PIK3R6: variants seen among roughly 807,000 people sequenced by gnomAD.
PIK3R6 encodes phosphoinositide 3-kinase regulatory subunit 6.
PIK3R6 carries 91 observed loss-of-function variants against 84.9 expected under a neutral mutation model. The ratio of observed to expected loss-of-function variants is 1.07; its 90% CI spans 0.90 to 1.28. PIK3R6 has a LOEUF of 1.28. PIK3R6 is among the 50% of genes most tolerant of loss of function. The pLI, the probability that PIK3R6 is intolerant of heterozygous loss-of-function variation, is 0.00. For synonymous variants in PIK3R6, 416 were observed against 411.4 expected, an observed-to-expected ratio of 1.01 and a Z score of -0.13; for missense variants, 996 against 985.1, an observed-to-expected ratio of 1.01 and a Z score of -0.15.
At chr17:8,838,749 T>G in intron 3 of PIK3R6, 94 bp from the exon 4 acceptor site, 1 of 1,253,472 alleles carries the variant, frequency 8.0e-7, no homozygotes, top group South Asian at 1.3e-5. Flanking sequence ...GAGCCTCAGC[T>G]GCAGCTCTGA....
chr17:8,814,439 C>T (rs1224602316), intron 18 of PIK3R6, among the ~76,000 whole-genome samples: 3 of 151,858 alleles, frequency 2.0e-5, no homozygotes, highest in Admixed American at 6.6e-5. Context: ...AGGCTGGTCT[C>T]GATCTCCTGA....
intron 10 of PIK3R6, among the ~76,000 whole-genome samples, chr17:8,829,253 G>A (rs1321791594): frequency 6.1e-5 from 9 of 147,812 alleles, no homozygotes; most frequent in Admixed American, 5.3e-4. Context: ...ATGCATGCAC[G>A]CATACACACA....
In PIK3R6 at chr17:8,803,497, G is replaced by A. The variant is rs1477425433; in HGVS notation, c.2109-68C>T. The A allele has an allele frequency of 3.4e-6, 5 of 1,469,662 alleles. No homozygotes were observed. The highest frequency in any genetic ancestry group is 1.4e-5 in the African/African-American group (1 of 70,810). 91.0% of individuals were successfully genotyped at this position (1,469,662 alleles called of 1,614,324 possible). ...ATCAGATTGCCTAGGGCATTTGAAA[G>A]GCAGAGCTGTTATTGTAGGGCCTAG... On this transcript the variant is annotated intron_variant, in intron 19 of 19. Transcript: ENST00000619866. The surrounding 1 kb of genome is among the most constrained non-coding windows in gnomAD (Gnocchi z 5.0).
intron 1 of PIK3R6, among the ~76,000 whole-genome samples, chr17:8,864,001 C>G (rs2089344150): frequency 6.6e-6 from 1 of 152,092 alleles, no homozygotes; most frequent in African/African-American, 2.4e-5. Flanking sequence ...TAAGGGACAG[C>G]GTTTGGGGTG....
chr17:8,834,423 G>A (rs1311099827), intron 8 of PIK3R6, among the ~76,000 whole-genome samples: 1 of 152,016 alleles, frequency 6.6e-6, no homozygotes, highest in Non-Finnish European at 1.5e-5. Flanking sequence ...GAGATGGGGT[G>A]TCTCTCTGTT....
At chr17:8,838,339 C>T (rs1271211924) in intron 4 of PIK3R6, 21 of 508,786 alleles carry the variant, frequency 4.1e-5, no homozygotes, top group East Asian at 1.7e-4. Flanking sequence ...TTTGTGGTCG[C>T]GTTATAGTGC....
chr17:8,859,869 C>G (rs2089230453), intron 1 of PIK3R6, among the ~76,000 whole-genome samples: 1 of 152,172 alleles, frequency 6.6e-6, no homozygotes, highest in African/African-American at 2.4e-5. Context: ...CCTCCACAAT[C>G]ACAGGAGCCA....
intron 18 of PIK3R6, among the ~76,000 whole-genome samples, chr17:8,806,105 C>T (rs1323063160): frequency 6.6e-6 from 1 of 152,178 alleles, no homozygotes; most frequent in Non-Finnish European, 1.5e-5. Context: ...CCTGGAGAGA[C>T]TGCAGGGGGC....
intron 8 of PIK3R6, among the ~76,000 whole-genome samples, chr17:8,834,055 G>T (rs915221090): frequency 1.3e-5 from 2 of 151,270 alleles, no homozygotes; most frequent in African/African-American, 4.9e-5. Flanking sequence ...ACTCAGAGAG[G>T]CTGAGGCAGG....
At chr17:8,860,801 A>T (rs181017183) in intron 1 of PIK3R6, among the ~76,000 whole-genome samples, 13 of 152,124 alleles carry the variant, frequency 8.5e-5, no homozygotes, top group African/African-American at 3.1e-4. Flanking sequence ...CAGTGTCCCT[A>T]TTGAGTTCAC....
chr17:8,827,320 C>T (rs371007659), intron 12 of PIK3R6, 26 bp from the exon 13 acceptor site: 19 of 1,545,866 alleles, frequency 1.2e-5, no homozygotes, highest in Non-Finnish European at 1.6e-5. Context: ...TGGGGCAGAC[C>T]CGTCAGGCCC....
chr17:8,823,624 C>T (rs1567578859), intron 13 of PIK3R6, 127 bp from the exon 14 acceptor site: 1 of 656,440 alleles, frequency 1.5e-6, no homozygotes, highest in Non-Finnish European at 2.8e-6. Context: ...CGTCCTTCAA[C>T]ACATTCCAAA....
At chr17:8,835,937 CTGGGCCTCCT>C in intron 7 of PIK3R6, among the ~76,000 whole-genome samples, 1 of 152,238 alleles carries the variant, frequency 6.6e-6, no homozygotes, top group Middle Eastern at 3.4e-3. Flanking sequence ...CATGGGTGCC[CTGGGCCTCCT>C]TGCATCTTTC....
In PIK3R6 at chr17:8,803,176, GC is replaced by G. The variant is rs2087090083; in HGVS notation, c.*96del. 12 of 1,506,032 alleles carry G rather than the reference GC, an allele frequency of 8.0e-6. No homozygotes were observed. In the South Asian group the frequency reaches 1.5e-4, roughly 18 times the overall value. The allele number at this position is 1,506,032 out of a possible 1,614,324, so 93.3% of individuals were successfully genotyped here. A position where few individuals can be genotyped will look rare whatever the true frequency, so the allele number is the denominator to read the frequency against. On this transcript the variant is annotated 3_prime_UTR_variant, in exon 20 of 20. Coordinates refer to ENST00000619866, the MANE Select transcript of PIK3R6 (RefSeq NM_001010855.4). The surrounding 1 kb of genome is among the most constrained non-coding windows in gnomAD (Gnocchi z 5.0). ...CTGGCTCCTGGTCAAGGCCAAAGCT[GC>G]CGTGTGGAGCCGGGCCTTGCTCTGG...
At chr17:8,832,549 AT>A (rs71135926) in intron 9 of PIK3R6, among the ~76,000 whole-genome samples, 173 of 133,506 alleles carry the variant, frequency 1.3e-3, no homozygotes, top group Admixed American at 2.0e-3. Flanking sequence ...CGCCCAGCTG[AT>A]TTTTTTTTTT....
chr17:8,813,758 C>T (rs1345564154), intron 18 of PIK3R6, among the ~76,000 whole-genome samples: 2 of 152,068 alleles, frequency 1.3e-5, no homozygotes, highest in Non-Finnish European at 2.9e-5. Context: ...GAACATATCT[C>T]AAAATAATAA....
chr17:8,839,476 C>T lies in PIK3R6; in HGVS notation c.97+138G>A. The T allele has an allele frequency of 3.3e-6, 2 of 600,080 alleles. No homozygotes were observed. Among genetic ancestry groups the T allele is most frequent in the South Asian group, 2.3e-5 (1 of 43,328 alleles). The allele number at this position is 600,080 out of a possible 1,614,324, so 37.2% of individuals were successfully genotyped here. ...CAGTCCTTCAGGCTCTAGGTATTTCCAGCAGGAAAGGGGTTTGGTGAGACG... is the reference window on the plus strand; with the variant it reads ...CAGTCCTTCAGGCTCTAGGTATTTCTAGCAGGAAAGGGGTTTGGTGAGACG... On this transcript the variant is annotated intron_variant, in intron 3 of 19. Coordinates refer to ENST00000619866, the MANE Select transcript of PIK3R6 (RefSeq NM_001010855.4). The surrounding 1 kb of genome is among the most constrained non-coding windows in gnomAD (Gnocchi z 4.2).
intron 15 of PIK3R6, 145 bp from the exon 16 acceptor site, chr17:8,822,802 C>T (rs2087784795): frequency 1.0e-6 from 1 of 1,002,800 alleles, no homozygotes; most frequent in Non-Finnish European, 1.5e-6. Context: ...CTCCGGGGGC[C>T]AGGATGCCTT....
intron 4 of PIK3R6, 85 bp from the exon 5 acceptor site, chr17:8,837,956 C>G (rs771926207): frequency 8.2e-7 from 1 of 1,223,256 alleles, no homozygotes; most frequent in African/African-American, 1.5e-5. Context: ...TGGGAGTGGG[C>G]AGGAGATGGG....
Sources: allele counts gnomAD v4.1 joint callset (sites outside exome capture counted in the v4.1 genomes callset), GRCh38; gene constraint gnomAD v4.1.1; non-coding constraint Gnocchi (gnomAD v3.1); transcripts MANE v1.5; gene names NCBI Gene and HGNC (gene_info 2026-07-23, HGNC 2026-07-21).